CCNY: variants seen among roughly 807,000 people sequenced by gnomAD.
CCNY encodes the protein cyclin Y, also known as cyclin-Y.
CCNY carries 19 observed loss-of-function variants against 42.8 expected under a neutral mutation model. The ratio of observed to expected loss-of-function variants is 0.44; its 90% CI spans 0.31 to 0.65. The LOEUF (loss-of-function observed/expected upper bound fraction) is 0.65, where lower values mean the gene tolerates loss of function less well. Ranked by LOEUF, CCNY falls within the 30% of genes least tolerant of loss-of-function variation. The probability of loss-of-function intolerance (pLI) is 0.07; values close to 1 mark genes in which losing one functional copy is unlikely to be tolerated. For missense variants in CCNY, 370 were observed against 437.3 expected, an observed-to-expected ratio of 0.85 and a Z score of 1.37; for synonymous variants, 165 against 162.7, an observed-to-expected ratio of 1.01 and a Z score of -0.11.
intron 1 of CCNY, among the ~76,000 whole-genome samples, chr10:35,352,774 G>A (rs574902199): frequency 3.9e-4 from 59 of 152,302 alleles, no homozygotes; most frequent in South Asian, 3.5e-3. Context: ...TGTGGTCAGG[G>A]TAAGTTAGCA....
chr10:35,378,370 C>G (rs890251311), intron 1 of CCNY, among the ~76,000 whole-genome samples: 6 of 152,128 alleles, frequency 3.9e-5, no homozygotes, highest in African/African-American at 1.4e-4. Flanking sequence ...GAGCCTGTGT[C>G]TTTTTGGTTG....
chr10:35,322,262 C>T (rs1835830121), intron 3 of CCNY, among the ~76,000 whole-genome samples: 1 of 150,518 alleles, frequency 6.6e-6, no homozygotes, highest in African/African-American at 2.4e-5. Context: ...GAAGCTGAGG[C>T]AGAATTGCTG....
intron 3 of CCNY, among the ~76,000 whole-genome samples, chr10:35,291,088 C>T (rs909291130): frequency 2.6e-5 from 4 of 151,934 alleles, no homozygotes; most frequent in Non-Finnish European, 4.4e-5. Flanking sequence ...TCACTGCAAC[C>T]TCTGTCTCCT....
intron 1 of CCNY, among the ~76,000 whole-genome samples, chr10:35,440,824 T>C (rs918969046): frequency 9.9e-5 from 15 of 152,238 alleles, no homozygotes; most frequent in African/African-American, 3.6e-4. Context: ...CATTTGTTAA[T>C]TATGCTACAA....
intron 4 of CCNY, 38 bp downstream of exon 4, chr10:35,516,661 C>CTTCCTTCCTTTTTTTTTTT: frequency 6.1e-6 from 2 of 326,922 alleles, no homozygotes; most frequent in Non-Finnish European, 9.9e-6. Flanking sequence ...TCCTTCCTTC[C>CTTCCTTCCTTTTTTTTTTT]TTTTTTTTTT....
In CCNY at chr10:35,477,073, C is replaced by G. The variant is rs1839529946; in HGVS notation, c.155-6331C>G. Among the ~76,000 whole-genome samples, 4 of 152,190 alleles carry G rather than the reference C, an allele frequency of 2.6e-5. No individual in the cohort carries two copies. In the South Asian group the frequency reaches 8.3e-4, roughly 32 times the overall value. On this transcript the variant is annotated intron_variant, in intron 1 of 9. Coordinates refer to ENST00000374704, the MANE Select transcript of CCNY (RefSeq NM_145012.6). The stretch of plus-strand genomic sequence containing the variant: ...AAATTCCTGGACACATAGACTCTCC[C>G]AAGACTAAACCAGGAAGAAGTTGAA...
chr10:35,478,903 A>G (rs564521504), intron 1 of CCNY, among the ~76,000 whole-genome samples: 70 of 152,236 alleles, frequency 4.6e-4, no homozygotes, highest in Non-Finnish European at 8.5e-4. Context: ...ATGAACTCAA[A>G]CAAATTTACA....
rs1389953339 is a variant in CCNY, at chr10:35,502,983, AGAG to A, written c.264+1454_264+1456del. 2.6e-5 allele frequency among the ~76,000 whole-genome samples: 4 copies of A among 152,310 alleles called. No homozygotes were observed. The East Asian group carries it at 7.7e-4, about 29-fold the overall frequency. On this transcript the variant is annotated intron_variant, in intron 3 of 9. Transcript: ENST00000374704. Reference sequence around the variant, plus strand: ...GCTCCATGGAAGGTGCATTGAAGAAAGAGGAGGATAGGAGTTTGTGTCGCTCTG... The same window carrying A: ...GCTCCATGGAAGGTGCATTGAAGAAAGAGGATAGGAGTTTGTGTCGCTCTG...
intron 3 of CCNY, among the ~76,000 whole-genome samples, chr10:35,287,224 A>G (rs1320539545): frequency 6.6e-6 from 1 of 152,208 alleles, no homozygotes; most frequent in Non-Finnish European, 1.5e-5. Flanking sequence ...TGTTTCTTCA[A>G]AAGGGGAGAA....
chr10:35,413,614 G>A (rs1486128609), intron 1 of CCNY, among the ~76,000 whole-genome samples: 1 of 152,220 alleles, frequency 6.6e-6, no homozygotes, highest in Non-Finnish European at 1.5e-5. Flanking sequence ...ATGGCCAGGG[G>A]AGGAAGATTT....
intron 2 of CCNY, among the ~76,000 whole-genome samples, chr10:35,489,666 G>A (rs1156910017): frequency 1.3e-5 from 2 of 152,030 alleles, no homozygotes; most frequent in African/African-American, 2.4e-5. Flanking sequence ...TTTCTACTCT[G>A]TCTAGTTTAT....
At chr10:35,465,938 A>AGAGTGTGTGTGTGTGTGT in intron 1 of CCNY, among the ~76,000 whole-genome samples, 1 of 80,960 alleles carries the variant, frequency 1.2e-5, no homozygotes, top group African/African-American at 4.4e-5. Flanking sequence ...AGAGAGAGAG[A>AGAGTGTGTGTGTGTGTGT]GTGTGTGTGT....
chr10:35,249,157 G>C (rs190098855), intron 2 of CCNY, among the ~76,000 whole-genome samples: 10 of 152,238 alleles, frequency 6.6e-5, no homozygotes, highest in African/African-American at 2.2e-4. Context: ...GCCCAGGCTG[G>C]TCTCGAACTC....
intron 3 of CCNY, among the ~76,000 whole-genome samples, chr10:35,513,832 G>C (rs537203717): frequency 6.6e-6 from 1 of 152,134 alleles, no homozygotes; most frequent in African/African-American, 2.4e-5. Context: ...GCATGTGCAC[G>C]CACATGTACA....
chr10:35,455,804 C>CT (rs67784224), intron 1 of CCNY, among the ~76,000 whole-genome samples: 3,487 of 76,036 alleles, frequency 0.046, 69 homozygotes, highest in Non-Finnish European at 0.059. Context: ...GGGATGCTTC[C>CT]TTTTTTTTTT....
intron 3 of CCNY, among the ~76,000 whole-genome samples, chr10:35,300,206 GCTTACT>G (rs1835517348): frequency 6.6e-6 from 1 of 152,184 alleles, no homozygotes; most frequent in African/African-American, 2.4e-5. Context: ...GCTCTGTCTA[GCTTACT>G]CATCTGTGGT....
intron 8 of CCNY, among the ~76,000 whole-genome samples, chr10:35,560,294 C>T (rs1295332814): frequency 6.6e-6 from 1 of 152,116 alleles, no homozygotes; most frequent in East Asian, 1.9e-4. Context: ...TGAACTTTGT[C>T]CCCCTCAAAT....
chr10:35,362,734 A>G (rs1836712909), intron 1 of CCNY, among the ~76,000 whole-genome samples: 1 of 151,996 alleles, frequency 6.6e-6, no homozygotes, highest in African/African-American at 2.4e-5. Flanking sequence ...CTCACTTCCC[A>G]GACGGGGCTG....
chr10:35,431,753 G>A (rs1838416216), intron 1 of CCNY, among the ~76,000 whole-genome samples: 1 of 152,064 alleles, frequency 6.6e-6, no homozygotes, highest in African/African-American at 2.4e-5. Context: ...GCTCAGGCTT[G>A]GAGCCTCATA....
Sources: gnomAD v4.1 joint callset for allele counts (sites outside exome capture counted in the v4.1 genomes callset) on GRCh38, gnomAD v4.1.1 for gene constraint, MANE v1.5 for transcripts, NCBI Gene and HGNC (gene_info 2026-07-23, HGNC 2026-07-21) for gene names.